Variants in ARHGAP20 observed in about 807,000 individuals in gnomAD.
The protein encoded by ARHGAP20 is Rho GTPase activating protein 20.
A neutral mutation model predicts 73.7 loss-of-function variants in ARHGAP20; 34 were observed. That is an observed-to-expected ratio of 0.46 (90% CI 0.35 to 0.61). The LOEUF is 0.61. Among genes scored for constraint, ARHGAP20 ranks in the 20% least tolerant of loss-of-function variants. The probability of loss-of-function intolerance (pLI) is 0.00; values close to 1 mark genes in which losing one functional copy is unlikely to be tolerated. For synonymous variants in ARHGAP20, 523 were observed against 518.2 expected (o/e 1.01, Z -0.13); for missense variants, 1,314 against 1,420.9 (o/e 0.92, Z 1.21).
chr11:110,646,529 T>C (rs17408558), intron 2 of ARHGAP20, among the ~76,000 whole-genome samples: 8,204 of 152,212 alleles, frequency 0.054, 270 homozygotes, highest in Middle Eastern at 0.095. Context: ...CACATTCCTG[T>C]TTTGAAAAAT....
intron 9 of ARHGAP20, among the ~76,000 whole-genome samples, chr11:110,593,785 A>G (rs1947886377): frequency 6.6e-6 from 1 of 152,254 alleles, no homozygotes; most frequent in South Asian, 2.1e-4. Flanking sequence ...TTGCATTCAC[A>G]GGGGCAGATT....
At chr11:110,659,950 T>C (rs1033430217) in intron 2 of ARHGAP20, among the ~76,000 whole-genome samples, 1 of 151,240 alleles carries the variant, frequency 6.6e-6, no homozygotes, top group Non-Finnish European at 1.5e-5. Flanking sequence ...ATATACCTAA[T>C]GCTAGATGAC....
chr11:110,685,509 A>C (rs1452760557), intron 2 of ARHGAP20, among the ~76,000 whole-genome samples: 5 of 152,088 alleles, frequency 3.3e-5, no homozygotes, highest in Non-Finnish European at 7.4e-5. Context: ...AAAATGTTAA[A>C]ATCTATGAAC....
At position 110,639,196 on chromosome 11, in the gene ARHGAP20, T is replaced by C. The variant is rs985414875; in HGVS notation, c.189-8404A>G. The stretch of plus-strand genomic sequence containing the variant: ...TTTAGCTGCTTGGCTCAGTTTCTAG[T>C]AGAGGTTGGAAACCGCAGCACACAC... On this transcript the variant is annotated intron_variant, in intron 2 of 14. Coordinates refer to ENST00000683387, the MANE Select transcript of ARHGAP20 (RefSeq NM_001384657.1). Among the ~76,000 whole-genome samples the C allele has an allele frequency of 9.9e-5, 15 of 151,758 alleles. No individual in the cohort carries two copies. The South Asian group carries it at 1.7e-3, about 17-fold the overall frequency.
At chr11:110,684,695 G>A (rs1950098323) in intron 2 of ARHGAP20, among the ~76,000 whole-genome samples, 2 of 152,104 alleles carry the variant, frequency 1.3e-5, no homozygotes, top group Non-Finnish European at 2.9e-5. Flanking sequence ...ATTAGATAAA[G>A]AAAATGTGCT....
At chr11:110,587,191 A>G (rs1350151642) in intron 11 of ARHGAP20, among the ~76,000 whole-genome samples, 1 of 152,228 alleles carries the variant, frequency 6.6e-6, no homozygotes, top group Non-Finnish European at 1.5e-5. Flanking sequence ...TCCTGGTCCT[A>G]CAGAGTTGAT....
intron 5 of ARHGAP20, among the ~76,000 whole-genome samples, chr11:110,615,185 G>C (rs1042870602): frequency 1.3e-5 from 2 of 152,070 alleles, no homozygotes; most frequent in Admixed American, 1.3e-4. Context: ...CATTATTTTT[G>C]AGGTGCTTAG....
chr11:110,638,831 C>T (rs957952742), intron 2 of ARHGAP20, among the ~76,000 whole-genome samples: 5 of 151,814 alleles, frequency 3.3e-5, no homozygotes, highest in Non-Finnish European at 4.4e-5. Flanking sequence ...AGGGGAACAT[C>T]ACACACTGGG....
In ARHGAP20 at chr11:110,630,620, A is replaced by G. The variant is rs766609254; in HGVS notation, c.353+8T>C. On this transcript the variant is annotated splice_region_variant and intron_variant, in intron 3 of 14. Coordinates refer to ENST00000683387, the MANE Select transcript of ARHGAP20 (RefSeq NM_001384657.1). The stretch of plus-strand genomic sequence containing the variant: ...ATAATGATAATCAGGAGTATATAGT[A>G]TACATACTTGATTTTGGCCACAACA... The G allele has an allele frequency of 6.8e-6, 11 of 1,612,856 alleles. No individual in the cohort carries two copies. The highest frequency in any genetic ancestry group is 9.3e-6 in the Non-Finnish European group (11 of 1,178,956).
At position 110,712,186 on chromosome 11, in the gene ARHGAP20, C is replaced by T; in HGVS notation, c.46G>A (p.Gly16Arg). The change falls in exon 1 of 15, where the codon GGG becomes AGG. Residue 16 changes from glycine to arginine, a missense_variant. This residue lies in a region of ARHGAP20 where 443 missense variants were observed against 466.4 expected (regional missense o/e 0.95). Transcript: ENST00000683387. ...PQQETLGGQP[G>R]RSSSLTGVSR... ...ACTCCTGTCAGGGAAGAGGAGCGCC[C>T]CGGCTGTCCCCCTAGAGTCTCCTGC... is the stretch of plus-strand genomic sequence containing the variant. 7.3e-7 allele frequency: 1 copy of T among 1,361,028 alleles called. No homozygotes were observed. The highest frequency in any genetic ancestry group is 2.3e-5 in the South Asian group (1 of 43,444). The allele number at this position is 1,361,028 out of a possible 1,614,324, so 84.3% of individuals were successfully genotyped here. A position where few individuals can be genotyped will look rare whatever the true frequency, so the allele number is the denominator to read the frequency against.
intron 1 of ARHGAP20, among the ~76,000 whole-genome samples, chr11:110,710,181 A>G (rs76494314): frequency 6.6e-6 from 1 of 152,342 alleles, no homozygotes; most frequent in East Asian, 1.9e-4. Context: ...AATGTCTATT[A>G]TATGTCATTA....
intron 9 of ARHGAP20, among the ~76,000 whole-genome samples, chr11:110,605,330 T>C (rs1197256608): frequency 2.6e-5 from 4 of 152,154 alleles, no homozygotes; most frequent in Non-Finnish European, 4.4e-5. Context: ...TTTTGTCCAA[T>C]AAAATGTCAA....
intron 2 of ARHGAP20, among the ~76,000 whole-genome samples, chr11:110,651,184 C>A (rs1949344765): frequency 1.3e-5 from 2 of 152,096 alleles, no homozygotes; most frequent in Non-Finnish European, 2.9e-5. Context: ...TTATTTGAAA[C>A]TAATGAGAAC....
upstream of ARHGAP20, chr11:110,712,611 G>A (rs1292057082): frequency 6.6e-6 from 1 of 152,482 alleles, no homozygotes; most frequent in African/African-American, 2.4e-5. Context: ...CTCTATATAT[G>A]TTAGCACACC....
At chr11:110,613,577 A>T (rs1252343596) in intron 6 of ARHGAP20, among the ~76,000 whole-genome samples, 4 of 152,176 alleles carry the variant, frequency 2.6e-5, no homozygotes, top group African/African-American at 9.6e-5. Flanking sequence ...GTCAAAAAAA[A>T]TTTAAGGGAT....
intron 1 of ARHGAP20, among the ~76,000 whole-genome samples, chr11:110,707,613 A>G (rs1950572642): frequency 6.6e-6 from 1 of 152,106 alleles, no homozygotes; most frequent in Admixed American, 6.6e-5. Flanking sequence ...TAAAATAAAG[A>G]GACTGACTTC....
intron 2 of ARHGAP20, among the ~76,000 whole-genome samples, chr11:110,632,817 G>A (rs326948): frequency 0.53 from 80,833 of 152,032 alleles, 24,187 homozygotes; most frequent in African/African-American, 0.83. Flanking sequence ...ATTTAAAACA[G>A]TTTGGGTTAT....
At chr11:110,634,055 G>C (rs1335297933) in intron 2 of ARHGAP20, among the ~76,000 whole-genome samples, 1 of 152,200 alleles carries the variant, frequency 6.6e-6, no homozygotes, top group Non-Finnish European at 1.5e-5. Context: ...ACTGGTGAAT[G>C]AAGTAGCAGA....
chr11:110,622,444 T>C (rs1948649864), intron 4 of ARHGAP20, among the ~76,000 whole-genome samples: 1 of 152,224 alleles, frequency 6.6e-6, no homozygotes, highest in African/African-American at 2.4e-5. Flanking sequence ...GGACTCTAAA[T>C]GTTATTCTTT....
Sources: allele counts gnomAD v4.1 joint callset (sites outside exome capture counted in the v4.1 genomes callset), GRCh38; gene constraint gnomAD v4.1.1; regional missense constraint gnomAD v4.1.1; transcripts MANE v1.5; gene names NCBI Gene and HGNC (gene_info 2026-07-23, HGNC 2026-07-21).